The following ARMC2 variants were observed in gnomAD, a reference collection of about 807,000 sequenced individuals.
ARMC2 encodes the protein armadillo repeat containing 2.
Under a neutral mutation model 90.3 loss-of-function variants are expected in ARMC2, and 67 were observed. The ratio of observed to expected loss-of-function variants is 0.74; its 90% confidence interval spans 0.61 to 0.91. The LOEUF (loss-of-function observed/expected upper bound fraction) is 0.91, where lower values mean the gene tolerates loss of function less well. ARMC2 is among the 40% of genes least tolerant of loss of function. ARMC2 has a pLI of 0.00. For synonymous variants in ARMC2, 393 were observed against 393.0 expected (o/e 1.00, Z 0.00); for missense variants, 920 against 1,030.9 (o/e 0.89, Z 1.47).
At chr6:108,992,798 A>C in the ARMC2 span, 1 of 1,611,052 alleles carries the variant, frequency 6.2e-7, no homozygotes, top group South Asian at 1.1e-5. Context: ...TGGACACGAA[A>C]TGTTGGAACA....
intron 13 of ARMC2, among the ~76,000 whole-genome samples, chr6:108,958,902 TCACACGGCCAG>T (rs1197209676): frequency 6.6e-6 from 1 of 152,196 alleles, no homozygotes; most frequent in African/African-American, 2.4e-5. Flanking sequence ...TTGAGTAAGG[TCACACGGCCAG>T]TGAGTGGAAG....
At chr6:109,036,530 T>C in the ARMC2 span, among the ~76,000 whole-genome samples, 4 of 152,192 alleles carry the variant, frequency 2.6e-5, no homozygotes, top group Non-Finnish European at 5.9e-5. Context: ...TTTGTTTTTA[T>C]CTGAGGTTTG....
At chr6:108,907,477 T>TTAA in intron 8 of ARMC2, 1 of 347,336 alleles carries the variant, frequency 2.9e-6, no homozygotes, top group South Asian at 1.3e-4. Context: ...TTTTTTTTTT[T>TTAA]ACCAGTCATC....
In ARMC2 at chr6:108,932,380, T is replaced by A. The variant is rs1290423997; in HGVS notation, c.1496+4147T>A. 1.3e-5 allele frequency among the ~76,000 whole-genome samples: 2 copies of A among 151,782 alleles called. 1 individual carries two copies. Among genetic ancestry groups the A allele is most frequent in the Admixed American group, 1.3e-4 (2 of 15,256 alleles). ...GTCTTCATAGTTTTGGGTTTTACAT[T>A]TAGTCTTTAATCCATCATCCATCTT... On this transcript the variant is annotated intron_variant, in intron 11 of 17. Coordinates refer to ENST00000392644, the MANE Select transcript of ARMC2 (RefSeq NM_032131.6).
the ARMC2 span, chr6:108,999,004 AAG>A: frequency 3.3e-6 from 1 of 299,866 alleles, no homozygotes; most frequent in South Asian, 6.0e-5. Flanking sequence ...CTTAAAATGT[AAG>A]AGAATGCATT....
chr6:108,869,286 T>G (rs1776143958), intron 4 of ARMC2, among the ~76,000 whole-genome samples: 1 of 152,176 alleles, frequency 6.6e-6, no homozygotes, highest in Admixed American at 6.5e-5. Context: ...AGCGGCCAGA[T>G]CACCTGAGAT....
intron 5 of ARMC2, among the ~76,000 whole-genome samples, chr6:108,881,178 TTTTCTTTC>T (rs896555018): frequency 7.3e-5 from 11 of 151,602 alleles, no homozygotes; most frequent in Admixed American, 5.9e-4. Context: ...TTTCTTTTTT[TTTTCTTTC>T]TTTCTTTCTT....
intron 13 of ARMC2, among the ~76,000 whole-genome samples, chr6:108,957,983 G>A (rs1350387831): frequency 6.6e-6 from 1 of 152,116 alleles, no homozygotes; most frequent in Admixed American, 6.5e-5. Context: ...AGTACACCTG[G>A]ATTTAGATGT....
intron 1 of ARMC2, among the ~76,000 whole-genome samples, chr6:108,850,002 C>T (rs996802010): frequency 6.6e-6 from 1 of 152,168 alleles, no homozygotes; most frequent in Non-Finnish European, 1.5e-5. Context: ...GTGAAGCTGG[C>T]CTGCTTTTCC....
the ARMC2 span, chr6:109,009,670 C>T: frequency 1.8e-6 from 1 of 563,410 alleles, no homozygotes; most frequent in Non-Finnish European, 2.3e-6. Context: ...CAAAGCACCG[C>T]CCCTCCGGCG....
At chr6:109,051,583 G>C in the ARMC2 span, among the ~76,000 whole-genome samples, 1 of 152,168 alleles carries the variant, frequency 6.6e-6, no homozygotes, top group Non-Finnish European at 1.5e-5. Context: ...GAATTACAAA[G>C]AGTTTAGAAA....
intron 6 of ARMC2, among the ~76,000 whole-genome samples, chr6:108,899,489 T>C (rs1027191562): frequency 2.0e-5 from 3 of 152,234 alleles, no homozygotes; most frequent in African/African-American, 7.2e-5. Flanking sequence ...TTCTGATTTT[T>C]TACATTATCC....
the ARMC2 span, chr6:108,986,598 C>T: frequency 2.0e-5 from 3 of 152,532 alleles, no homozygotes; most frequent in Admixed American, 6.5e-5. Context: ...TTTGATAACC[C>T]GACTAAAAAT....
At chr6:109,040,864 G>A in the ARMC2 span, among the ~76,000 whole-genome samples, 2 of 151,880 alleles carry the variant, frequency 1.3e-5, no homozygotes, top group African/African-American at 4.8e-5. Flanking sequence ...GTGTTAGCCA[G>A]GATGGTCTCA....
rs80160045 is a variant in ARMC2 at position 108,898,178 on chromosome 6, C to T, written c.749-1516C>T. Among the ~76,000 whole-genome samples the T allele has an allele frequency of 4.2e-3, 637 of 152,218 alleles. 3 individuals are homozygous for T. The highest frequency in any genetic ancestry group is 0.014 in the African/African-American group (597 of 41,518). Reference sequence around the variant, plus strand: ...TCCAAACCTGTGCTATTGATAGGCCCCCTGCTCAACTTGTCCTTTGTGCAA... The same window carrying T: ...TCCAAACCTGTGCTATTGATAGGCCTCCTGCTCAACTTGTCCTTTGTGCAA... On this transcript the variant is annotated intron_variant, in intron 6 of 17. Transcript: ENST00000392644.
At chr6:108,859,271 G>A (rs1018145517) in intron 3 of ARMC2, among the ~76,000 whole-genome samples, 1 of 152,066 alleles carries the variant, frequency 6.6e-6, no homozygotes, top group African/African-American at 2.4e-5. Flanking sequence ...CTTTCCCTGA[G>A]CACCTGGTGC....
chr6:108,940,592 G>A (rs1776358705), intron 12 of ARMC2, among the ~76,000 whole-genome samples: 1 of 152,192 alleles, frequency 6.6e-6, no homozygotes, highest in South Asian at 2.1e-4. Flanking sequence ...CTAGCAAAGA[G>A]AAGGGAAGAT....
At chr6:108,990,772 A>G in the ARMC2 span, 2 of 1,614,142 alleles carry the variant, frequency 1.2e-6, no homozygotes, top group Non-Finnish European at 1.7e-6. Flanking sequence ...TCATCAATCA[A>G]CTGTCCCACA....
chr6:108,856,704 C>T (rs368747761), intron 2 of ARMC2: 20 of 153,644 alleles, frequency 1.3e-4, no homozygotes, highest in African/African-American at 4.1e-4. Flanking sequence ...TTAACATCCA[C>T]TGCACCTCCA....
Sources: gnomAD v4.1 joint callset for allele counts (sites outside exome capture counted in the v4.1 genomes callset) on GRCh38, gnomAD v4.1.1 for gene constraint, MANE v1.5 for transcripts, NCBI Gene and HGNC (gene_info 2026-07-23, HGNC 2026-07-21) for gene names.